Variants in CHST9 observed in about 807,000 individuals in gnomAD.
CHST9 encodes GalNAc-4-sulfotransferase 2.
Under a neutral mutation model 44.4 loss-of-function variants are expected in CHST9, and 41 were observed. The ratio of observed to expected loss-of-function variants is 0.92; its 90% CI spans 0.72 to 1.20. The LOEUF is 1.20. CHST9 is among the 50% of genes most tolerant of loss of function. The pLI, the probability that CHST9 is intolerant of heterozygous loss-of-function variation, is 0.00. For synonymous variants in CHST9, 171 were observed against 178.4 expected (o/e 0.96, Z 0.33); for missense variants, 504 against 516.5 (o/e 0.98, Z 0.23).
chr18:27,093,407 C>T (rs1269155084), intron 2 of CHST9, among the ~76,000 whole-genome samples: 3 of 152,236 alleles, frequency 2.0e-5, no homozygotes, highest in Non-Finnish European at 2.9e-5. Context: ...CCACCCAGTT[C>T]GAGCTTCCTG....
At chr18:26,985,444 GAGAT>G (rs2145198483) in intron 4 of CHST9, among the ~76,000 whole-genome samples, 1 of 152,324 alleles carries the variant, frequency 6.6e-6, no homozygotes, top group East Asian at 1.9e-4. Context: ...TAATTTCTGA[GAGAT>G]AGTAAACAAG....
chr18:27,115,741 G>C (rs1453040375), intron 2 of CHST9, among the ~76,000 whole-genome samples: 3 of 152,060 alleles, frequency 2.0e-5, no homozygotes, highest in African/African-American at 7.2e-5. Flanking sequence ...TTGAACTCCT[G>C]GGCTCAAGCA....
chr18:26,998,280 A>G (rs571381952), intron 4 of CHST9, among the ~76,000 whole-genome samples: 18 of 152,342 alleles, frequency 1.2e-4, no homozygotes, highest in Admixed American at 8.5e-4. Context: ...CTTTGAGGGA[A>G]CAAATCCCAT....
At chr18:27,093,750 C>A (rs903352446) in intron 2 of CHST9, among the ~76,000 whole-genome samples, 12 of 152,186 alleles carry the variant, frequency 7.9e-5, no homozygotes, top group African/African-American at 2.9e-4. Flanking sequence ...ATGGGCTGCA[C>A]CCACTGTCAA....
At chr18:27,053,397 G>C (rs1598677096) in intron 2 of CHST9, among the ~76,000 whole-genome samples, 1 of 150,520 alleles carries the variant, frequency 6.6e-6, no homozygotes, top group African/African-American at 2.4e-5. Context: ...TGTCTGCTCA[G>C]GCACCCAAAT....
At chr18:27,055,631 C>T (rs1426328298) in intron 2 of CHST9, among the ~76,000 whole-genome samples, 1 of 152,068 alleles carries the variant, frequency 6.6e-6, no homozygotes, top group African/African-American at 2.4e-5. Context: ...TAAAAAAATG[C>T]CTTTATCAAT....
At chr18:26,996,263 A>T (rs902231144) in intron 4 of CHST9, among the ~76,000 whole-genome samples, 94 of 152,050 alleles carry the variant, frequency 6.2e-4, no homozygotes, top group African/African-American at 2.1e-3. Context: ...AGTCAGCAAC[A>T]TTTTTTTTAA....
In CHST9 at chr18:27,159,783, A is replaced by C. The variant is rs936565929; in HGVS notation, c.-96-16878T>G. ...ATTTGTTTGTATCCTCTTTTATTTCATTGAGCAGTGGTTTGTAGTTCTCCT... is the reference window on the plus strand; with the variant it reads ...ATTTGTTTGTATCCTCTTTTATTTCCTTGAGCAGTGGTTTGTAGTTCTCCT... On this transcript the variant is annotated intron_variant, in intron 1 of 5. Coordinates refer to ENST00000618847, the MANE Select transcript of CHST9 (RefSeq NM_031422.6). Among the ~76,000 whole-genome samples the C allele has an allele frequency of 4.0e-4, 61 of 151,970 alleles. 3 individuals are homozygous for C. Among genetic ancestry groups the C allele is most frequent in the East Asian group, 1.9e-4 (1 of 5,180 alleles).
At chr18:26,987,749 A>G (rs2056770974) in intron 4 of CHST9, among the ~76,000 whole-genome samples, 1 of 152,148 alleles carries the variant, frequency 6.6e-6, no homozygotes, top group South Asian at 2.1e-4. Context: ...AGGTTATGAG[A>G]GCAGAGCCCT....
intron 2 of CHST9, among the ~76,000 whole-genome samples, chr18:27,132,857 AC>A (rs2058483468): frequency 6.6e-6 from 1 of 152,038 alleles, no homozygotes; most frequent in Admixed American, 6.5e-5. Flanking sequence ...CCTTTATATA[AC>A]TCTGCTCCTT....
chr18:27,048,907 G>C (rs1341521887), intron 2 of CHST9, among the ~76,000 whole-genome samples: 1 of 152,096 alleles, frequency 6.6e-6, no homozygotes, highest in Non-Finnish European at 1.5e-5. Flanking sequence ...AAATAGTGTA[G>C]AATGTTTAAA....
At position 27,129,313 on chromosome 18, in the gene CHST9, G is replaced by A. The variant is rs571078948; in HGVS notation, c.121+13376C>T. ...TGGTCTGTGATGAATTAGAGAAACTGTGCAACTTGCCACCAAACCTCTTAA... is the reference window on the plus strand; with the variant it reads ...TGGTCTGTGATGAATTAGAGAAACTATGCAACTTGCCACCAAACCTCTTAA... On this transcript the variant is annotated intron_variant, in intron 2 of 5. Coordinates refer to ENST00000618847, the MANE Select transcript of CHST9 (RefSeq NM_031422.6). 2.0e-3 allele frequency among the ~76,000 whole-genome samples: 304 copies of A among 152,250 alleles called. 1 individual carries two copies. The highest frequency in any genetic ancestry group is 3.6e-3 in the Non-Finnish European group (247 of 68,020).
At chr18:26,999,888 T>G (rs1429305642) in intron 4 of CHST9, among the ~76,000 whole-genome samples, 4 of 152,210 alleles carry the variant, frequency 2.6e-5, no homozygotes, top group African/African-American at 9.7e-5. Flanking sequence ...GTTGGGTACT[T>G]AGACGTTAAG....
intron 4 of CHST9, among the ~76,000 whole-genome samples, chr18:26,990,836 C>A (rs2056807985): frequency 1.3e-5 from 2 of 152,196 alleles, no homozygotes. Context: ...GCCTTGTTAC[C>A]TTTCCACAGT....
intron 2 of CHST9, among the ~76,000 whole-genome samples, chr18:27,106,146 G>A (rs957261259): frequency 6.6e-6 from 1 of 152,058 alleles, no homozygotes; most frequent in Non-Finnish European, 1.5e-5. Context: ...AAACAGCCAG[G>A]AAACTCAGTC....
intron 1 of CHST9, among the ~76,000 whole-genome samples, chr18:27,176,921 G>T (rs2058873326): frequency 6.6e-6 from 1 of 152,022 alleles, no homozygotes; most frequent in African/African-American, 2.4e-5. Flanking sequence ...GTAGCAAGTG[G>T]TATATTTATA....
rs573479257 is a variant in CHST9 at position 27,061,803 on chromosome 18, C to T, written c.122-13300G>A. 2.6e-5 allele frequency among the ~76,000 whole-genome samples: 4 copies of T among 152,212 alleles called. No individual in the cohort carries two copies. In the East Asian group the frequency reaches 5.8e-4, roughly 22 times the overall value. ...TTGTTCTCGATGAGAGCAAAGATCA[C>T]CTGGTGGCCATCAAGCAGGTCATCT... On this transcript the variant is annotated intron_variant, in intron 2 of 5. Transcript: ENST00000618847.
chr18:27,141,384 C>A (rs185652446), intron 2 of CHST9, among the ~76,000 whole-genome samples: 203 of 149,870 alleles, frequency 1.4e-3, no homozygotes, highest in African/African-American at 4.5e-3. Flanking sequence ...CAAACAACAA[C>A]AAAATAGACC....
In CHST9 at chr18:26,913,284, T is replaced by A. The variant is rs182174676; in HGVS notation, c.*2975A>T. ...TACTAATTCCCTAATGATAATAATA[T>A]TATTATTTTCTGTTACAGAATGTTT... On this transcript the variant is annotated 3_prime_UTR_variant, in exon 6 of 6. Coordinates refer to ENST00000618847, the MANE Select transcript of CHST9 (RefSeq NM_031422.6). 31 of 152,304 alleles carry A rather than the reference T, an allele frequency of 2.0e-4. No homozygotes were observed. The South Asian group carries it at 2.1e-3, about 10-fold the overall frequency. 9.4% of individuals were successfully genotyped at this position (152,304 alleles called of 1,614,324 possible). A position where few individuals can be genotyped will look rare whatever the true frequency, so the allele number is the denominator to read the frequency against.
Sources: allele counts gnomAD v4.1 joint callset (sites outside exome capture counted in the v4.1 genomes callset), GRCh38; gene constraint gnomAD v4.1.1; transcripts MANE v1.5; gene names NCBI Gene and HGNC (gene_info 2026-07-23, HGNC 2026-07-21).